Variants in SEM1 observed in about 807,000 individuals in gnomAD.
SEM1 encodes the protein 26S proteasome complex subunit SEM1.
Under a neutral mutation model 12.7 loss-of-function variants are expected in SEM1, and 3 were observed. That is an observed-to-expected ratio of 0.24 (90% CI 0.11 to 0.61). The LOEUF is 0.61. SEM1 is among the 20% of genes least tolerant of loss of function. The probability of loss-of-function intolerance (pLI) is 0.88; values close to 1 mark genes in which losing one functional copy is unlikely to be tolerated. For synonymous variants in SEM1, 30 were observed against 27.8 expected, an observed-to-expected ratio of 1.08 and a Z score of -0.25; for missense variants, 59 against 81.3, an observed-to-expected ratio of 0.73 and a Z score of 1.06.
rs1177010537 is a variant in SEM1 at position 96,580,628 on chromosome 7, CTTG to C, written c.171-73933_171-73931del. Among the ~76,000 whole-genome samples, 6 of 151,912 alleles carry C rather than the reference CTTG, an allele frequency of 3.9e-5. No individual in the cohort carries two copies. In the East Asian group the frequency reaches 9.7e-4, roughly 25 times the overall value. On this transcript the variant is annotated intron_variant and NMD_transcript_variant, in intron 2 of 3. Transcript: ENST00000466986. ...CTATTTCTCCACATCCTCTCCAGCACTTGTTGTTTCCTGACTTTTTAATGATTG... is the reference window on the plus strand; with the variant it reads ...CTATTTCTCCACATCCTCTCCAGCACTTGTTTCCTGACTTTTTAATGATTG...
intron 1 of SEM1, among the ~76,000 whole-genome samples, chr7:96,703,999 AC>A (rs1790359984): frequency 6.6e-6 from 1 of 151,656 alleles, no homozygotes; most frequent in African/African-American, 2.4e-5. Context: ...ACACACACAC[AC>A]ACACACACAC....
intron 2 of SEM1, among the ~76,000 whole-genome samples, chr7:96,641,366 T>C (rs1030798166): frequency 1.3e-5 from 2 of 151,978 alleles, no homozygotes; most frequent in Non-Finnish European, 2.9e-5. Flanking sequence ...TTAATATTTG[T>C]GTATGCTTTT....
intron 2 of SEM1, among the ~76,000 whole-genome samples, chr7:96,524,309 C>T (rs1290255354): frequency 1.3e-5 from 2 of 152,082 alleles, no homozygotes; most frequent in Non-Finnish European, 2.9e-5. Flanking sequence ...CAAAGCTGCT[C>T]AATAGAACTC....
At chr7:96,622,942 T>C (rs1807941841) in intron 2 of SEM1, 1 of 328,642 alleles carries the variant, frequency 3.0e-6, no homozygotes. Context: ...GTTAATTTTA[T>C]TTCAATTCAC....
At chr7:96,500,361 G>T (rs779497827), upstream of SEM1, among the ~76,000 whole-genome samples, 9 of 152,030 alleles carry the variant, frequency 5.9e-5, no homozygotes, top group Admixed American at 2.6e-4. Context: ...AAAATGCTGT[G>T]ATTTCACTAC....
At chr7:96,577,421 A>AATTATAAAATTATTT (rs1410615922) in intron 2 of SEM1, among the ~76,000 whole-genome samples, 2 of 151,998 alleles carry the variant, frequency 1.3e-5, no homozygotes, top group South Asian at 2.1e-4. Flanking sequence ...TGTTACGATT[A>AATTATAAAATTATTT]ATTATAAAAT....
chr7:96,516,166 A>C (rs1170295074), intron 2 of SEM1, among the ~76,000 whole-genome samples: 7 of 152,126 alleles, frequency 4.6e-5, no homozygotes, highest in African/African-American at 1.4e-4. Flanking sequence ...CATAAGAAAA[A>C]ATCTAGATAA....
At chr7:96,509,720 G>A (rs1286991701) in intron 2 of SEM1, among the ~76,000 whole-genome samples, 1 of 152,120 alleles carries the variant, frequency 6.6e-6, no homozygotes, top group Non-Finnish European at 1.5e-5. Flanking sequence ...CCTTAAAACG[G>A]AAGAAAATTT....
downstream of SEM1, among the ~76,000 whole-genome samples, chr7:96,685,641 T>G (rs1044330256): frequency 6.6e-6 from 1 of 152,034 alleles, no homozygotes; most frequent in African/African-American, 2.4e-5. Context: ...ATATATGAAA[T>G]GTACATGATA....
rs187068844 is a variant in SEM1, at chr7:96,513,538, A to G, written c.171-6840T>C. ...TCTTTTATCTATTAATATGTATGTA[A>G]AGAACGTAGGCTGGGTGCAGTGGCT... On this transcript the variant is annotated intron_variant and NMD_transcript_variant, in intron 2 of 3. Transcript: ENST00000466986. Among the ~76,000 whole-genome samples, 523 of 152,140 alleles carry G rather than the reference A, an allele frequency of 3.4e-3. 2 individuals are homozygous for G. Among genetic ancestry groups the G allele is most frequent in the African/African-American group, 0.012 (506 of 41,516 alleles).
At chr7:96,528,815 G>C (rs554976441) in intron 2 of SEM1, among the ~76,000 whole-genome samples, 1 of 152,208 alleles carries the variant, frequency 6.6e-6, no homozygotes, top group East Asian at 1.9e-4. Context: ...GTATGGAAGA[G>C]AGAGATGTCT....
At chr7:96,683,252 C>A (rs1789669009) in intron 2 of SEM1, among the ~76,000 whole-genome samples, 2 of 151,922 alleles carry the variant, frequency 1.3e-5, no homozygotes, top group South Asian at 4.2e-4. Context: ...CAGAAGAAGA[C>A]ATTTATACAG....
At chr7:96,594,255 T>C (rs890695994) in intron 2 of SEM1, among the ~76,000 whole-genome samples, 17 of 152,180 alleles carry the variant, frequency 1.1e-4, no homozygotes, top group Non-Finnish European at 2.4e-4. Flanking sequence ...AATAAGCTTG[T>C]AGGTCCTGAC....
chr7:96,648,545 A>C (rs1808872802), intron 2 of SEM1, among the ~76,000 whole-genome samples: 1 of 152,222 alleles, frequency 6.6e-6, no homozygotes, highest in African/African-American at 2.4e-5. Flanking sequence ...GCACAACCAT[A>C]GAAACTGTGG....
intron 1 of SEM1, among the ~76,000 whole-genome samples, chr7:96,489,380 C>G (rs926186269): frequency 2.6e-5 from 4 of 152,080 alleles, no homozygotes; most frequent in South Asian, 2.1e-4. Context: ...ATTTGGGAAG[C>G]CTGTGTGGGG....
chr7:96,590,191 A>T (rs897018073), intron 2 of SEM1, among the ~76,000 whole-genome samples: 1 of 152,158 alleles, frequency 6.6e-6, no homozygotes, highest in Non-Finnish European at 1.5e-5. Context: ...GGCTTTACTC[A>T]ACTTTAGGGT....
chr7:96,604,200 C>A (rs1442962664), intron 2 of SEM1, among the ~76,000 whole-genome samples: 2 of 152,128 alleles, frequency 1.3e-5, no homozygotes, highest in African/African-American at 4.8e-5. Flanking sequence ...CAGTAGGAGC[C>A]ACCAGCTGTG....
At chr7:96,655,165 G>C (rs1809136206) in intron 2 of SEM1, among the ~76,000 whole-genome samples, 1 of 152,160 alleles carries the variant, frequency 6.6e-6, no homozygotes, top group African/African-American at 2.4e-5. Flanking sequence ...AGTGAGAGCA[G>C]AGGTACCAGA....
At chr7:96,666,856 G>A (rs1040064666) in intron 2 of SEM1, among the ~76,000 whole-genome samples, 10 of 152,000 alleles carry the variant, frequency 6.6e-5, no homozygotes, top group Non-Finnish European at 1.3e-4. Flanking sequence ...ACCCACCTCA[G>A]GGCTGTTCCA....
Sources: allele counts gnomAD v4.1 joint callset (sites outside exome capture counted in the v4.1 genomes callset), GRCh38; gene constraint gnomAD v4.1.1; transcripts MANE v1.5; gene names NCBI Gene and HGNC (gene_info 2026-07-23, HGNC 2026-07-21).